SNRPN: variants seen among roughly 807,000 people sequenced by gnomAD.
The protein encoded by SNRPN is small nuclear ribonucleoprotein polypeptide N.
SNRPN carries 7 observed loss-of-function variants against 25.2 expected under a neutral mutation model. The ratio of observed to expected loss-of-function variants is 0.28; its 90% CI spans 0.16 to 0.52. The LOEUF (loss-of-function observed/expected upper bound fraction) is 0.52, where lower values mean the gene tolerates loss of function less well. Ranked by LOEUF, SNRPN falls within the 20% of genes least tolerant of loss-of-function variation. SNRPN has a pLI of 0.96. For synonymous variants in SNRPN, 124 were observed against 110.6 expected (o/e 1.12, Z -0.76); for missense variants, 196 against 322.5 (o/e 0.61, Z 3.00).
intron 1 of SNRPN, among the ~76,000 whole-genome samples, chr15:24,876,575 C>T (rs920271054): frequency 4.7e-5 from 7 of 149,268 alleles, no homozygotes; most frequent in African/African-American, 1.2e-4. Context: ...TGAGATTGCT[C>T]CACTGCGCTC....
chr15:24,883,238 A>G (rs1484910280), intron 1 of SNRPN, among the ~76,000 whole-genome samples: 1 of 152,254 alleles, frequency 6.6e-6, no homozygotes, highest in Non-Finnish European at 1.5e-5. Flanking sequence ...AGGGAGGCCA[A>G]GCGTATTCCT....
chr15:24,940,905 T>C (rs1211835782), intron 3 of SNRPN, among the ~76,000 whole-genome samples: 1 of 152,118 alleles, frequency 6.6e-6, no homozygotes, highest in African/African-American at 2.4e-5. Flanking sequence ...AGAGTTGCGG[T>C]GTTAAGTGTT....
intron 2 of SNRPN, among the ~76,000 whole-genome samples, chr15:24,888,110 G>C (rs977779408): frequency 7.9e-6 from 1 of 126,260 alleles, no homozygotes; most frequent in Non-Finnish European, 1.8e-5. Context: ...TATTAGAAAT[G>C]ACTTTTTTTT....
chr15:24,965,534 CAAAAT>C (rs1027880216), intron 2 of SNRPN, among the ~76,000 whole-genome samples: 35 of 152,154 alleles, frequency 2.3e-4, no homozygotes, highest in Non-Finnish European at 4.6e-4. Flanking sequence ...GACTCCATCT[CAAAAT>C]AAAGTAAAAA....
chr15:24,894,422 G>C (rs1595752363), intron 2 of SNRPN, among the ~76,000 whole-genome samples: 1 of 152,058 alleles, frequency 6.6e-6, no homozygotes, highest in South Asian at 2.1e-4. Context: ...CTTTCACCAT[G>C]TTAGCCAGGA....
At chr15:24,847,510 G>A (rs1426551455) in intron 2 of SNRPN, among the ~76,000 whole-genome samples, 1 of 151,938 alleles carries the variant, frequency 6.6e-6, no homozygotes, top group Non-Finnish European at 1.5e-5. Context: ...CATGGTGGCG[G>A]GTGCCTGTAA....
chr15:24,862,732 T>TG (rs1252358083), intron 1 of SNRPN, among the ~76,000 whole-genome samples: 22 of 150,494 alleles, frequency 1.5e-4, no homozygotes, highest in Admixed American at 1.3e-3. Flanking sequence ...GCATCAGGCC[T>TG]GGGATGGGAT....
chr15:24,911,415 A>C (rs896292839), intron 2 of SNRPN, among the ~76,000 whole-genome samples: 5 of 152,130 alleles, frequency 3.3e-5, no homozygotes, highest in African/African-American at 1.2e-4. Flanking sequence ...CAGGTCCTTG[A>C]GGGAATAACA....
intron 1 of SNRPN, among the ~76,000 whole-genome samples, chr15:24,867,246 AC>A (rs1465414138): frequency 6.6e-6 from 1 of 152,156 alleles, no homozygotes; most frequent in Admixed American, 6.5e-5. Flanking sequence ...ATTCTCATCA[AC>A]AGTGTGCAGG....
chr15:24,827,471 G>A (rs902694931), intron 1 of SNRPN, among the ~76,000 whole-genome samples: 1 of 144,360 alleles, frequency 6.9e-6, no homozygotes, highest in Non-Finnish European at 1.5e-5. Flanking sequence ...AGCTGAGATC[G>A]CGCCACTGCA....
intron 2 of SNRPN, among the ~76,000 whole-genome samples, chr15:24,964,414 T>C (rs1404743463): frequency 1.3e-5 from 2 of 152,186 alleles, no homozygotes; most frequent in African/African-American, 4.8e-5. Flanking sequence ...TGCCTCAGTC[T>C]CCCAAGTAAC....
At chr15:24,825,089 C>T (rs774220841) in intron 1 of SNRPN, among the ~76,000 whole-genome samples, 6 of 151,898 alleles carry the variant, frequency 4.0e-5, no homozygotes, top group African/African-American at 9.7e-5. Flanking sequence ...GGACCAAGAG[C>T]ATTGATAGTT....
intron 2 of SNRPN, among the ~76,000 whole-genome samples, chr15:24,901,578 T>C (rs987915234): frequency 6.6e-6 from 1 of 152,194 alleles, no homozygotes; most frequent in Non-Finnish European, 1.5e-5. Flanking sequence ...GCTCAATTGG[T>C]GACAAAATTG....
intron 2 of SNRPN, among the ~76,000 whole-genome samples, chr15:24,963,472 G>A (rs750007453): frequency 5.3e-5 from 8 of 151,710 alleles, no homozygotes; most frequent in South Asian, 4.2e-4. Context: ...AAAATTAACC[G>A]AGTGTGGTGG....
chr15:24,914,831 A>G (rs2059419827), intron 2 of SNRPN, among the ~76,000 whole-genome samples: 1 of 152,150 alleles, frequency 6.6e-6, no homozygotes, highest in Admixed American at 6.5e-5. Context: ...ACAGGGACCA[A>G]TGCAATGGGA....
At chr15:24,823,788 CA>C (rs2049896915) in exon 1 of SNRPN, 1 of 152,184 alleles carries the variant, frequency 6.6e-6, no homozygotes, top group Non-Finnish European at 1.5e-5. Context: ...CTTTTCTCTA[CA>C]GTAACTGTGG....
upstream of SNRPN, chr15:24,954,845 C>A (rs77659149): frequency 5.3e-4 from 367 of 690,196 alleles, 5 homozygotes; most frequent in East Asian, 4.2e-3. Flanking sequence ...GCCCCCTCCC[C>A]CCAGGTCATT....
chr15:24,830,247 CA>C (rs2050406605), intron 2 of SNRPN, among the ~76,000 whole-genome samples: 1 of 152,046 alleles, frequency 6.6e-6, no homozygotes, highest in African/African-American at 2.4e-5. Context: ...CCTTGCTTTA[CA>C]GGCCTTTGGT....
chr15:24,845,834 C>T (rs1312305068), intron 2 of SNRPN, among the ~76,000 whole-genome samples: 3 of 151,940 alleles, frequency 2.0e-5, no homozygotes, highest in Non-Finnish European at 4.4e-5. Flanking sequence ...ACTGTAATCC[C>T]AGCACTTTGG....
Sources: gnomAD v4.1 joint callset for allele counts (sites outside exome capture counted in the v4.1 genomes callset) on GRCh38, gnomAD v4.1.1 for gene constraint, MANE v1.5 for transcripts, NCBI Gene and HGNC (gene_info 2026-07-23, HGNC 2026-07-21) for gene names.